MACROD2: variants seen among roughly 807,000 people sequenced by gnomAD.
MACROD2 encodes mono-ADP ribosylhydrolase 2.
A neutral mutation model predicts 70.4 loss-of-function variants in MACROD2; 36 were observed. The observed-to-expected ratio is 0.51, with a 90% CI of 0.39 to 0.68. The LOEUF (loss-of-function observed/expected upper bound fraction) is 0.68. Among genes scored for constraint, MACROD2 ranks in the 30% least tolerant of loss-of-function variants. MACROD2 has a pLI of 0.00. For synonymous variants in MACROD2, 172 were observed against 178.8 expected (o/e 0.96, Z 0.30); for missense variants, 496 against 538.4 (o/e 0.92, Z 0.78).
At chr20:15,001,648 G>A (rs2074996331) in intron 5 of MACROD2, among the ~76,000 whole-genome samples, 1 of 151,940 alleles carries the variant, frequency 6.6e-6, no homozygotes, top group Admixed American at 6.6e-5. Context: ...GGTTTTCTAG[G>A]GGGATTTATG....
At chr20:14,854,909 G>A (rs924119371) in intron 5 of MACROD2, among the ~76,000 whole-genome samples, 4 of 152,006 alleles carry the variant, frequency 2.6e-5, no homozygotes, top group Non-Finnish European at 5.9e-5. Flanking sequence ...CCAGCTACTC[G>A]GGAGGCTGAG....
chr20:14,885,271 C>T (rs2073659851), intron 5 of MACROD2, among the ~76,000 whole-genome samples: 1 of 152,174 alleles, frequency 6.6e-6, no homozygotes, highest in Non-Finnish European at 1.5e-5. Context: ...TTATCTTTCT[C>T]TTCTTGACCC....
chr20:14,819,869 G>A (rs1250039337), intron 5 of MACROD2, among the ~76,000 whole-genome samples: 6 of 152,036 alleles, frequency 3.9e-5, no homozygotes, highest in Non-Finnish European at 5.9e-5. Flanking sequence ...AAGAAGCCGA[G>A]GAGATGGAAG....
chr20:14,631,559 A>G (rs1395311537), intron 4 of MACROD2, among the ~76,000 whole-genome samples: 2 of 152,178 alleles, frequency 1.3e-5, no homozygotes, highest in African/African-American at 2.4e-5. Flanking sequence ...TCACAAGGTC[A>G]GGAGATTGAG....
chr20:15,022,680 T>C (rs981933835), intron 5 of MACROD2, among the ~76,000 whole-genome samples: 1 of 152,158 alleles, frequency 6.6e-6, no homozygotes, highest in Non-Finnish European at 1.5e-5. Context: ...AAGCAGCAAT[T>C]AACTCTTCTC....
intron 6 of MACROD2, among the ~76,000 whole-genome samples, chr20:15,295,439 T>G (rs1378143625): frequency 1.3e-5 from 2 of 152,190 alleles, no homozygotes; most frequent in Non-Finnish European, 2.9e-5. Context: ...AGAAAGAGAA[T>G]GTGTTGATGT....
intron 5 of MACROD2, among the ~76,000 whole-genome samples, chr20:14,836,365 T>A (rs1214949701): frequency 6.6e-6 from 1 of 151,978 alleles, no homozygotes; most frequent in African/African-American, 2.4e-5. Flanking sequence ...ATTCCAATGC[T>A]CCAGTTTTAT....
chr20:15,566,929 G>T (rs980265032), intron 8 of MACROD2, among the ~76,000 whole-genome samples: 1 of 151,982 alleles, frequency 6.6e-6, no homozygotes, highest in Non-Finnish European at 1.5e-5. Flanking sequence ...ACTATACCCT[G>T]TATCTCAAAT....
intron 5 of MACROD2, among the ~76,000 whole-genome samples, chr20:14,725,787 C>A (rs1327782014): frequency 6.6e-6 from 1 of 152,138 alleles, no homozygotes; most frequent in Non-Finnish European, 1.5e-5. Context: ...CATCCTCCAA[C>A]CCCCATTTGT....
chr20:14,600,023 A>G (rs1369742005), intron 4 of MACROD2, among the ~76,000 whole-genome samples: 1 of 152,138 alleles, frequency 6.6e-6, no homozygotes, highest in Non-Finnish European at 1.5e-5. Context: ...AGGCTAGAGT[A>G]TAGGAGAACT....
intron 5 of MACROD2, among the ~76,000 whole-genome samples, chr20:15,103,140 G>GA (rs1318219899): frequency 6.6e-6 from 1 of 151,958 alleles, no homozygotes; most frequent in Non-Finnish European, 1.5e-5. Context: ...TCTGTTTCAG[G>GA]AAAAAAACAA....
At chr20:15,373,444 A>T (rs1438709412) in intron 6 of MACROD2, among the ~76,000 whole-genome samples, 1 of 152,052 alleles carries the variant, frequency 6.6e-6, no homozygotes, top group Non-Finnish European at 1.5e-5. Context: ...CTGTTCTCTC[A>T]CCCAGGCTGA....
At chr20:15,828,002 GAAAATCT>G (rs1448766981) in intron 8 of MACROD2, among the ~76,000 whole-genome samples, 1 of 152,166 alleles carries the variant, frequency 6.6e-6, no homozygotes, top group African/African-American at 2.4e-5. Flanking sequence ...CATTACCAGA[GAAAATCT>G]AGAAGTACAA....
intron 11 of MACROD2, among the ~76,000 whole-genome samples, chr20:15,937,140 T>C (rs892661317): frequency 8.5e-5 from 13 of 152,196 alleles, no homozygotes; most frequent in African/African-American, 3.1e-4. Context: ...ATATACTTTC[T>C]TTCACAATCT....
At chr20:14,380,615 T>C (rs956966303) in intron 3 of MACROD2, among the ~76,000 whole-genome samples, 3 of 152,140 alleles carry the variant, frequency 2.0e-5, no homozygotes, top group African/African-American at 4.8e-5. Context: ...TTAATTCTTT[T>C]ACTTGTGGAA....
At chr20:16,000,864 A>G (rs2066699689) in intron 15 of MACROD2, among the ~76,000 whole-genome samples, 1 of 152,222 alleles carries the variant, frequency 6.6e-6, no homozygotes, top group South Asian at 2.1e-4. Flanking sequence ...TGTAAAAACC[A>G]AAATATTGTC....
chr20:15,056,007 G>A (rs1327761073), intron 5 of MACROD2, among the ~76,000 whole-genome samples: 1 of 151,756 alleles, frequency 6.6e-6, no homozygotes, highest in African/African-American at 2.4e-5. Context: ...GGCTGGTCTC[G>A]AACTCCTGAC....
In MACROD2 at chr20:15,159,724, G is replaced by A. The variant is rs573913593; in HGVS notation, c.419-70216G>A. 3.3e-5 allele frequency among the ~76,000 whole-genome samples: 5 copies of A among 151,622 alleles called. No homozygotes were observed. In the South Asian group the frequency reaches 1.0e-3, roughly 32 times the overall value. The stretch of plus-strand genomic sequence containing the variant: ...TTATCCTAAGGGAGTTTATAATCTA[G>A]TAGAGGTGGTATAACACACATACAC... On this transcript the variant is annotated intron_variant, in intron 5 of 17. Coordinates refer to ENST00000684519, the MANE Select transcript of MACROD2 (RefSeq NM_001351661.2).
At chr20:14,790,999 G>T (rs2072444371) in intron 5 of MACROD2, among the ~76,000 whole-genome samples, 1 of 152,040 alleles carries the variant, frequency 6.6e-6, no homozygotes, top group Non-Finnish European at 1.5e-5. Flanking sequence ...CTCAGCTGCA[G>T]GTTTACTCAG....
Sources: gnomAD v4.1 joint callset for allele counts (sites outside exome capture counted in the v4.1 genomes callset) on GRCh38, gnomAD v4.1.1 for gene constraint, MANE v1.5 for transcripts, NCBI Gene and HGNC (gene_info 2026-07-23, HGNC 2026-07-21) for gene names.